The following PCDHA5 variants were observed in gnomAD, a reference collection of about 807,000 sequenced individuals.
PCDHA5 encodes the protein protocadherin alpha 5.
PCDHA5 carries 43 observed loss-of-function variants against 61.6 expected under a neutral mutation model. That is an observed-to-expected ratio of 0.70 (90% CI 0.55 to 0.90). The LOEUF (loss-of-function observed/expected upper bound fraction) is 0.90, where lower values mean the gene tolerates loss of function less well. PCDHA5 is among the 40% of genes least tolerant of loss of function. The pLI, the probability that PCDHA5 is intolerant of heterozygous loss-of-function variation, is 0.00. For missense variants in PCDHA5, 1,298 were observed against 1,222.7 expected (o/e 1.06, Z -0.92); for synonymous variants, 627 against 543.9 (o/e 1.15, Z -2.13).
Position 140,888,156 on chromosome 5 carries a change from A to T in PCDHA5, c.2352+64029A>T, listed in dbSNP as rs556908449. 2.0e-5 allele frequency among the ~76,000 whole-genome samples: 3 copies of T among 152,300 alleles called. No homozygotes were observed. In the South Asian group the frequency reaches 6.2e-4, roughly 32 times the overall value. On this transcript the variant is annotated intron_variant, in intron 1 of 3. Coordinates refer to ENST00000529859, the MANE Select transcript of PCDHA5 (RefSeq NM_018908.3). ...TTTCTTGCTGTTTTGCATGACTGGT[A>T]ATCTCTAATAAGATGCTAGACATTG...
chr5:140,884,241 C>A (rs782355331), intron 1 of PCDHA5: 5 of 1,613,408 alleles, frequency 3.1e-6, no homozygotes, highest in Non-Finnish European at 4.2e-6. Flanking sequence ...GGTGAGCCCG[C>A]GCTGACGGCC....
At position 140,882,079 on chromosome 5, in the gene PCDHA5, G is replaced by C. The variant is rs2058940272; in HGVS notation, c.2352+57952G>C. 3.1e-6 allele frequency: 3 copies of C among 952,854 alleles called. No homozygotes were observed. In the East Asian group the frequency reaches 7.8e-5, roughly 25 times the overall value. The allele number at this position is 952,854 out of a possible 1,614,324, so 59.0% of individuals were successfully genotyped here. A position where few individuals can be genotyped will look rare whatever the true frequency, so the allele number is the denominator to read the frequency against. On this transcript the variant is annotated intron_variant, in intron 1 of 3. Transcript: ENST00000529859. ...CTTACACGTTCATGCGCATGGTGTCGCTCTTCACTGAGAACGTTTCCGCGA... is the reference window on the plus strand; with the variant it reads ...CTTACACGTTCATGCGCATGGTGTCCCTCTTCACTGAGAACGTTTCCGCGA...
At chr5:140,849,988 G>T (rs2150461736) in intron 1 of PCDHA5, 1 of 1,597,248 alleles carries the variant, frequency 6.3e-7, no homozygotes, top group Non-Finnish European at 8.6e-7. Flanking sequence ...GTGGAGCGGC[G>T]GTTGGGCGAG....
intron 1 of PCDHA5, chr5:140,883,813 C>CA (rs2059834466): frequency 6.2e-7 from 1 of 1,612,382 alleles, no homozygotes; most frequent in Non-Finnish European, 8.5e-7. Context: ...CGGAGAGCGG[C>CA]AAGGTGTACG....
chr5:140,942,591 T>C (rs1180688838), intron 1 of PCDHA5, among the ~76,000 whole-genome samples: 1 of 147,516 alleles, frequency 6.8e-6, no homozygotes, highest in East Asian at 2.0e-4. Context: ...ATGTCACATA[T>C]AATTATAGTG....
chr5:140,924,902 AAAATAAAAT>A (rs1211271652), intron 1 of PCDHA5, among the ~76,000 whole-genome samples: 3 of 39,024 alleles, frequency 7.7e-5, no homozygotes, highest in African/African-American at 2.3e-4. Context: ...CTCAAAAAAA[AAAATAAAAT>A]AAAATAAAAT....
intron 1 of PCDHA5, chr5:140,842,783 G>C (rs2150344113): frequency 1.3e-6 from 2 of 1,594,544 alleles, no homozygotes; most frequent in Non-Finnish European, 1.7e-6. Context: ...GCAGGAGAAC[G>C]CGCTGGTGTC....
At chr5:140,870,029 A>T (rs1201766971) in intron 1 of PCDHA5, 4 of 1,613,792 alleles carry the variant, frequency 2.5e-6, no homozygotes, top group Non-Finnish European at 3.4e-6. Flanking sequence ...ACTTTAGATT[A>T]TGAAGAAAAC....
Position 140,822,147 on chromosome 5 carries a change from C to T in PCDHA5, c.372C>T (p.Asp124=). The change falls in exon 1 of 4, where the codon GAC becomes GAT. Residue 124 remains aspartate (D), a synonymous_variant. Coordinates refer to ENST00000529859, the MANE Select transcript of PCDHA5 (RefSeq NM_018908.3). ...QVFHVEVAVK[D]INDNPPRFSR... is the part of the protein sequence containing the mutation. ...TCCATGTGGAGGTGGCAGTGAAGGA[C>T]ATCAATGACAATCCGCCCAGGTTCT... The T allele has an allele frequency of 6.2e-7, 1 of 1,614,252 alleles. No individual in the cohort carries two copies. Among genetic ancestry groups the T allele is most frequent in the Non-Finnish European group, 8.5e-7 (1 of 1,180,040 alleles).
chr5:140,837,977 C>A (rs1377931639), intron 1 of PCDHA5, among the ~76,000 whole-genome samples: 4 of 151,682 alleles, frequency 2.6e-5, no homozygotes, highest in African/African-American at 4.9e-5. Flanking sequence ...CCACACCCAG[C>A]CTGCCTTTCA....
chr5:140,869,730 T>G (rs1319130298), intron 1 of PCDHA5: 24 of 1,613,274 alleles, frequency 1.5e-5, no homozygotes, highest in Non-Finnish European at 2.0e-5. Context: ...CGGAACTTAA[T>G]TTGCTGCTAA....
intron 3 of PCDHA5, among the ~76,000 whole-genome samples, chr5:141,006,559 T>C (rs2098278096): frequency 6.6e-6 from 1 of 152,134 alleles, no homozygotes; most frequent in East Asian, 1.9e-4. Flanking sequence ...TAAAGATGAC[T>C]CTGGCTACTG....
chr5:140,836,560 C>A (rs782229036), intron 1 of PCDHA5: 2 of 1,613,622 alleles, frequency 1.2e-6, no homozygotes, highest in African/African-American at 1.3e-5. Context: ...TGCTCAGCGC[C>A]GTCCTCTGAG....
At chr5:140,912,472 G>A (rs993404931) in intron 1 of PCDHA5, among the ~76,000 whole-genome samples, 4 of 151,836 alleles carry the variant, frequency 2.6e-5, no homozygotes, top group African/African-American at 9.7e-5. Context: ...GAACTTTACT[G>A]AATTCATTTA....
chr5:140,992,377 A>T (rs1258714441), intron 3 of PCDHA5, among the ~76,000 whole-genome samples: 1 of 152,150 alleles, frequency 6.6e-6, no homozygotes, highest in African/African-American at 2.4e-5. Flanking sequence ...CCATTACATT[A>T]TTGTGTTCTG....
At chr5:140,874,887 T>G (rs1315281628) in intron 1 of PCDHA5, among the ~76,000 whole-genome samples, 2 of 152,350 alleles carry the variant, frequency 1.3e-5, no homozygotes, top group East Asian at 3.9e-4. Context: ...AATTCCTAAC[T>G]TTCTCTAAAA....
chr5:141,001,913 C>T (rs545106723), intron 3 of PCDHA5, among the ~76,000 whole-genome samples: 2 of 152,296 alleles, frequency 1.3e-5, no homozygotes, highest in South Asian at 2.1e-4. Flanking sequence ...AAAAAGACTG[C>T]AGTGGCTGAC....
At chr5:140,828,300 A>C in intron 1 of PCDHA5, 1 of 1,614,058 alleles carries the variant, frequency 6.2e-7, no homozygotes, top group Non-Finnish European at 8.5e-7. Context: ...GCCTCCAAAG[A>C]CCGCGAGGAC....
At chr5:140,924,901 AAAAAT>A (rs10667761) in intron 1 of PCDHA5, among the ~76,000 whole-genome samples, 4,416 of 80,206 alleles carry the variant, frequency 0.055, 204 homozygotes, top group African/African-American at 0.16. Flanking sequence ...TCTCAAAAAA[AAAAAT>A]AAAATAAAAT....
Sources: allele counts gnomAD v4.1 joint callset (sites outside exome capture counted in the v4.1 genomes callset), GRCh38; gene constraint gnomAD v4.1.1; transcripts MANE v1.5; gene names NCBI Gene and HGNC (gene_info 2026-07-23, HGNC 2026-07-21).